ETFBKMT: variants seen among roughly 807,000 people sequenced by gnomAD.
ETFBKMT encodes electron transfer flavoprotein beta subunit lysine methyltransferase.
ETFBKMT carries 13 observed loss-of-function variants against 18.3 expected under a neutral mutation model. The ratio of observed to expected loss-of-function variants is 0.71; its 90% CI spans 0.46 to 1.13. The LOEUF (loss-of-function observed/expected upper bound fraction) is 1.13. ETFBKMT is among the 50% of genes most tolerant of loss of function. The pLI is 0.00. For synonymous variants in ETFBKMT, 84 were observed against 107.9 expected (o/e 0.78, Z 1.37); for missense variants, 293 against 306.2 (o/e 0.96, Z 0.32).
chr12:31,652,741 T>A (rs188583334), intron 1 of ETFBKMT, among the ~76,000 whole-genome samples: 58 of 152,344 alleles, frequency 3.8e-4, no homozygotes, highest in South Asian at 2.1e-3. Flanking sequence ...AGTGGTCAGA[T>A]TCTGCATAGA....
rs1397174467 is a variant in ETFBKMT at position 31,672,068 on chromosome 12, C to T, written c.*4078C>T. 1 of 396,360 alleles carries T rather than the reference C, an allele frequency of 2.5e-6. No homozygotes were observed. The highest frequency in any genetic ancestry group is 4.5e-6 in the Non-Finnish European group (1 of 220,182). The allele number at this position is 396,360 out of a possible 1,614,324, so 24.6% of individuals were successfully genotyped here. A position where few individuals can be genotyped will look rare whatever the true frequency, so the allele number is the denominator to read the frequency against. On this transcript the variant is annotated 3_prime_UTR_variant, in exon 4 of 4. Transcript: ENST00000357721. ...AGAGTTCATGCTAGGATTATCATTT[C>T]AAAAATAATGACTCATCCAACAGAT...
upstream of ETFBKMT, chr12:31,659,065 A>T (rs1183399508): frequency 6.6e-6 from 1 of 152,150 alleles, no homozygotes; most frequent in Non-Finnish European, 1.5e-5. Context: ...TTCTACAAAC[A>T]TTGCACACAG....
rs772611330 is a variant in ETFBKMT at position 31,667,711 on chromosome 12, C to G, written c.510C>G (p.Ile170Met). ...LNRLNPFPILIQNILNLEQDK... is the reference protein window; with the variant it reads ...LNRLNPFPILMQNILNLEQDK... Reference sequence around the variant, plus strand: ...GACTGAATCCTTTTCCTATTTTAATCCAAAACATTTTGAATTTGGAACAAG... The same window carrying G: ...GACTGAATCCTTTTCCTATTTTAATGCAAAACATTTTGAATTTGGAACAAG... Residue 170 changes from isoleucine (I) to methionine (M), a missense_variant, in exon 4 of 4, where the codon ATC (isoleucine) becomes ATG (methionine). Physicochemically the swap from Ile to Met is conservative, Grantham distance 10. Coordinates refer to ENST00000357721, the MANE Select transcript of ETFBKMT (RefSeq NM_001135863.2). The G allele has an allele frequency of 1.9e-6, 3 of 1,613,662 alleles. No individual in the cohort carries two copies. The highest frequency in any genetic ancestry group is 2.5e-6 in the Non-Finnish European group (3 of 1,179,902).
Position 31,667,757 on chromosome 12 carries a change from C to T in ETFBKMT, c.556C>T (p.Leu186Phe). 6.2e-7 allele frequency: 1 copy of T among 1,613,702 alleles called. No homozygotes were observed. The highest frequency in any genetic ancestry group is 1.1e-5 in the South Asian group (1 of 91,072). The change falls in exon 4 of 4, where the codon CTT (leucine) becomes TTT (phenylalanine). Residue 186 changes from leucine (L) to phenylalanine (F), a missense_variant. Coordinates refer to ENST00000357721, the MANE Select transcript of ETFBKMT (RefSeq NM_001135863.2). Reference protein sequence around the residue: ...LEQDKWDLVVLGDMFYDEDLA... With the variant: ...LEQDKWDLVVFGDMFYDEDLA... ...ACAAGATAAGTGGGACCTTGTTGTT[C>T]TTGGCGATATGTTTTATGATGAAGA...
chr12:31,647,990 A>G (rs1252333511), intron 1 of ETFBKMT, among the ~76,000 whole-genome samples: 1 of 152,234 alleles, frequency 6.6e-6, no homozygotes, highest in Non-Finnish European at 1.5e-5. Flanking sequence ...TAGAGTTACT[A>G]TATCACCCAG....
At chr12:31,666,043 T>C (rs1239069072) in intron 2 of ETFBKMT, 44 bp from the exon 3 acceptor site, 3 of 1,564,486 alleles carry the variant, frequency 1.9e-6, no homozygotes, top group East Asian at 2.3e-5. Context: ...CCAACATTTA[T>C]TTTTCCTCAT....
At position 31,668,890 on chromosome 12, in the gene ETFBKMT, C is replaced by T. The variant is rs7966525; in HGVS notation, c.*900C>T. 35,215 of 152,084 alleles carry T rather than the reference C, an allele frequency of 0.23. 4,314 individuals are homozygous for T. Among genetic ancestry groups the T allele is most frequent in the Admixed American group, 0.27 (4,167 of 15,282 alleles). 9.4% of individuals were successfully genotyped at this position (152,084 alleles called of 1,614,324 possible). On this transcript the variant is annotated 3_prime_UTR_variant, in exon 4 of 4. Coordinates refer to ENST00000357721, the MANE Select transcript of ETFBKMT (RefSeq NM_001135863.2). Reference sequence around the variant, plus strand: ...TCATTCTTGCGTGTTGTATGCTTTTCGCATTAGAGCCCTTTGCATGTTAAT... The same window carrying T: ...TCATTCTTGCGTGTTGTATGCTTTTTGCATTAGAGCCCTTTGCATGTTAAT...
intron 2 of ETFBKMT, among the ~76,000 whole-genome samples, chr12:31,665,668 C>G (rs1489320031): frequency 6.6e-6 from 1 of 152,156 alleles, no homozygotes; most frequent in Non-Finnish European, 1.5e-5. Context: ...CAGAGATTTA[C>G]CCACATGTTT....
chr12:31,653,839 T>C (rs1323838656), intron 1 of ETFBKMT, among the ~76,000 whole-genome samples: 3 of 151,952 alleles, frequency 2.0e-5, no homozygotes, highest in Non-Finnish European at 4.4e-5. Flanking sequence ...TCCCAGCTAT[T>C]GGGGAGGCTG....
At chr12:31,654,658 T>C (rs1274340275), upstream of ETFBKMT, among the ~76,000 whole-genome samples, 2 of 151,970 alleles carry the variant, frequency 1.3e-5, no homozygotes, top group African/African-American at 4.8e-5. Flanking sequence ...ATGAAAGAAA[T>C]AAGACAAAAA....
intron 2 of ETFBKMT, among the ~76,000 whole-genome samples, chr12:31,663,714 C>T (rs1435817625): frequency 6.6e-6 from 1 of 152,214 alleles, no homozygotes; most frequent in Non-Finnish European, 1.5e-5. Flanking sequence ...CGAGTGGTAT[C>T]AGCCCCAGTT....
At position 31,670,552 on chromosome 12, in the gene ETFBKMT, G is replaced by A. The variant is rs1297948555; in HGVS notation, c.*2562G>A. On this transcript the variant is annotated 3_prime_UTR_variant, in exon 4 of 4. Coordinates refer to ENST00000357721, the MANE Select transcript of ETFBKMT (RefSeq NM_001135863.2). ...ATGCGACCGTGCTCACTGCAGCCTC[G>A]ACTTTCTAGGCTCAGGTAATCCTCC... is the stretch of plus-strand genomic sequence containing the variant. 2.6e-5 allele frequency: 4 copies of A among 152,018 alleles called. No homozygotes were observed. The highest frequency in any genetic ancestry group is 2.9e-5 in the Non-Finnish European group (2 of 68,052). 9.4% of individuals were successfully genotyped at this position (152,018 alleles called of 1,614,324 possible).
Position 31,669,321 on chromosome 12 carries a change from TGTGA to T in ETFBKMT, c.*1332_*1335del, listed in dbSNP as rs1395660025. ...TGGGAGAAGGTATGTTCTATAGTCC[TGTGA>T]TTAAGTCTCAGTCAGTTAAGTCAGC... On this transcript the variant is annotated 3_prime_UTR_variant, in exon 4 of 4. Coordinates refer to ENST00000357721, the MANE Select transcript of ETFBKMT (RefSeq NM_001135863.2). 6.6e-6 allele frequency: 1 copy of T among 152,238 alleles called. No homozygotes were observed. Among genetic ancestry groups the T allele is most frequent in the Non-Finnish European group, 1.5e-5 (1 of 68,052 alleles). 9.4% of individuals were successfully genotyped at this position (152,238 alleles called of 1,614,324 possible).
In ETFBKMT at chr12:31,667,665, C is replaced by G. The variant is rs1951215259; in HGVS notation, c.464C>G (p.Thr155Arg). 4 of 1,604,394 alleles carry G rather than the reference C, an allele frequency of 2.5e-6. No homozygotes were observed. The highest frequency in any genetic ancestry group is 3.4e-6 in the Non-Finnish European group (4 of 1,173,972). Residue 155 changes from threonine to arginine, a missense_variant, in exon 4 of 4, where the codon ACA (threonine) becomes AGA (arginine). Physicochemically the swap from Thr to Arg is moderately conservative, Grantham distance 71 (BLOSUM62 -1). Transcript: ENST00000357721. Reference sequence around the variant, plus strand: ...TTTTAAGTTGCAGGAATGGCTATTACACTAAATTGTGAATTGAACAGACTG... The same window carrying G: ...TTTTAAGTTGCAGGAATGGCTATTAGACTAAATTGTGAATTGAACAGACTG... Reference protein sequence around the residue: ...DIDPIAGMAITLNCELNRLNP... With the variant: ...DIDPIAGMAIRLNCELNRLNP...
At chr12:31,648,360 GTTT>G (rs35137084) in intron 1 of ETFBKMT, among the ~76,000 whole-genome samples, 112 of 117,834 alleles carry the variant, frequency 9.5e-4, no homozygotes, top group East Asian at 5.0e-3. Flanking sequence ...GATGTAAATA[GTTT>G]TTTTTTTTTT....
chr12:31,651,519 G>A (rs954324655), intron 1 of ETFBKMT, among the ~76,000 whole-genome samples: 2 of 152,058 alleles, frequency 1.3e-5, no homozygotes, highest in South Asian at 2.1e-4. Context: ...TAGTAGAGAC[G>A]GGGTTTTACC....
At position 31,672,099 on chromosome 12, in the gene ETFBKMT, A is replaced by T; in HGVS notation, c.*4109A>T. 1 of 486,250 alleles carries T rather than the reference A, an allele frequency of 2.1e-6. No individual in the cohort carries two copies. The highest frequency in any genetic ancestry group is 3.7e-6 in the Non-Finnish European group (1 of 272,750). The allele number at this position is 486,250 out of a possible 1,614,324, so 30.1% of individuals were successfully genotyped here. On this transcript the variant is annotated 3_prime_UTR_variant, in exon 4 of 4. Coordinates refer to ENST00000357721, the MANE Select transcript of ETFBKMT (RefSeq NM_001135863.2). ...TAATGACTCATCCAACAGATATAGA[A>T]TAATAGCACTTTAAAGATGTTTAAG...
chr12:31,648,398 T>G (rs935423381), intron 1 of ETFBKMT, among the ~76,000 whole-genome samples: 1 of 150,422 alleles, frequency 6.6e-6, no homozygotes, highest in Non-Finnish European at 1.5e-5. Context: ...GTCTCGCTCT[T>G]TTGCCCAGGC....
upstream of ETFBKMT, among the ~76,000 whole-genome samples, chr12:31,656,742 G>T (rs189569175): frequency 1.3e-5 from 2 of 152,066 alleles, no homozygotes; most frequent in African/African-American, 4.8e-5. Context: ...TGTTTGCTTG[G>T]ATTACCATAA....
Sources: allele counts gnomAD v4.1 joint callset (sites outside exome capture counted in the v4.1 genomes callset), GRCh38; gene constraint gnomAD v4.1.1; transcripts MANE v1.5; gene names NCBI Gene and HGNC (gene_info 2026-07-23, HGNC 2026-07-21).